Variants in CDK5RAP3 observed in about 807,000 individuals in gnomAD.
CDK5RAP3 encodes the protein CDK5 regulatory subunit associated protein 3.
CDK5RAP3 carries 58 observed loss-of-function variants against 73.3 expected under a neutral mutation model. The ratio of observed to expected loss-of-function variants is 0.79; its 90% CI spans 0.64 to 0.98. The LOEUF (loss-of-function observed/expected upper bound fraction) is 0.98. Ranked by LOEUF, CDK5RAP3 falls within the 50% of genes least tolerant of loss-of-function variation. The probability of loss-of-function intolerance (pLI) is 0.00; values close to 1 mark genes in which losing one functional copy is unlikely to be tolerated. For missense variants in CDK5RAP3, 525 were observed against 615.8 expected, an observed-to-expected ratio of 0.85 and a Z score of 1.56; for synonymous variants, 224 against 247.5, an observed-to-expected ratio of 0.91 and a Z score of 0.89.
At chr17:47,973,869 C>T (rs922153960) in intron 3 of CDK5RAP3, 62 bp from the exon 4 acceptor site, 23 of 1,342,464 alleles carry the variant, frequency 1.7e-5, no homozygotes, top group Admixed American at 5.1e-5. Context: ...CAGCCACCTG[C>T]AGTGCCCAGA....
chr17:47,975,962 G>T lies in CDK5RAP3; in HGVS notation c.747G>T (p.Val249=), dbSNP rs755014626. The change falls in exon 8 of 14, where the codon GTG becomes GTT. Residue 249 remains valine (V), a synonymous_variant. Transcript: ENST00000338399. ...YEWRTGTEPS[V]VERPHLEELP... Reference sequence around the variant, plus strand: ...GGAGGACAGGGACAGAGCCCTCTGTGGTGGAACGACCCCACCTCGAGGAGC... The same window carrying T: ...GGAGGACAGGGACAGAGCCCTCTGTTGTGGAACGACCCCACCTCGAGGAGC... The T allele has an allele frequency of 6.2e-7, 1 of 1,614,196 alleles. No individual in the cohort carries two copies. The highest frequency in any genetic ancestry group is 1.7e-5 in the Admixed American group (1 of 60,024).
chr17:47,974,616 T>A, intron 5 of CDK5RAP3, 168 bp downstream of exon 5: 1 of 1,442,066 alleles, frequency 6.9e-7, no homozygotes, highest in Non-Finnish European at 9.1e-7. Flanking sequence ...GAATTGATTT[T>A]CCCTGAGTGG....
chr17:47,970,974 G>T, upstream of CDK5RAP3: 1 of 1,462,492 alleles, frequency 6.8e-7, no homozygotes. Context: ...CCTGGGGTGG[G>T]CGGGGCTTGA....
At chr17:47,980,397 T>G (rs2144244569) in intron 11 of CDK5RAP3, 196 bp from the exon 12 acceptor site, 1 of 603,544 alleles carries the variant, frequency 1.7e-6, no homozygotes, top group South Asian at 1.8e-5. Flanking sequence ...GCCTCCTGAG[T>G]AGCTGGGACT....
At chr17:47,971,324 C>A (rs768417843) in intron 1 of CDK5RAP3, 38 bp from the exon 2 acceptor site, 1 of 1,599,510 alleles carries the variant, frequency 6.3e-7, no homozygotes, top group Non-Finnish European at 8.5e-7. Context: ...GTCCTCTCTC[C>A]GCGCTCACGC....
At position 47,971,617 on chromosome 17, in the gene CDK5RAP3, C is replaced by T. The variant is rs147769347; in HGVS notation, c.52+210C>T. On this transcript the variant is annotated intron_variant, in intron 2 of 13. Coordinates refer to ENST00000338399, the MANE Select transcript of CDK5RAP3 (RefSeq NM_176096.3). ...ACAGTCTGTTTGACCTGCGTTTTCT[C>T]CTTTAATAACATATGTTATCGTATC... 2.0e-5 allele frequency among the ~76,000 whole-genome samples: 3 copies of T among 152,312 alleles called. No individual in the cohort carries two copies. In the East Asian group the frequency reaches 5.8e-4, roughly 29 times the overall value.
At chr17:47,970,289 G>C (rs1404771917), upstream of CDK5RAP3, among the ~76,000 whole-genome samples, 1 of 152,100 alleles carries the variant, frequency 6.6e-6, no homozygotes, top group Non-Finnish European at 1.5e-5. Flanking sequence ...ACCATCTACG[G>C]TATAGAGGTT....
At chr17:47,977,978 C>A in intron 10 of CDK5RAP3, 68 bp downstream of exon 10, 1 of 1,197,928 alleles carries the variant, frequency 8.3e-7, no homozygotes, top group Non-Finnish European at 1.2e-6. Flanking sequence ...TGTCTAGAAA[C>A]AAAAAATGCA....
intron 4 of CDK5RAP3, 79 bp from the exon 5 acceptor site, chr17:47,974,321 T>A (rs557664742): frequency 8.1e-7 from 1 of 1,234,444 alleles, no homozygotes; most frequent in South Asian, 1.2e-5. Flanking sequence ...TGGGAGAACT[T>A]ACCCTGTTTA....
rs760815542 is a variant in CDK5RAP3 at position 47,981,302 on chromosome 17, C to A, written c.1423C>A (p.Leu475Ile). ...QAALEPKLDL[L>I]LEKTKELQKL... ...GGCTCTGGAGCCTAAGCTGGACCTG[C>A]TACTGGAGAAGACCAAGGAGCTGCA... Residue 475 changes from leucine (L) to isoleucine (I), a missense_variant, in exon 13 of 14, where the codon CTA becomes ATA. Transcript: ENST00000338399. 17 of 1,614,198 alleles carry A rather than the reference C, an allele frequency of 1.1e-5. No homozygotes were observed. The Admixed American group carries it at 2.8e-4, about 27-fold the overall frequency.
intron 11 of CDK5RAP3, 60 bp downstream of exon 11, chr17:47,978,977 T>C: frequency 7.7e-7 from 1 of 1,292,586 alleles, no homozygotes. Context: ...GTGGCTTCAC[T>C]CCAGATGCCT....
chr17:47,978,613 G>A, intron 10 of CDK5RAP3: 1 of 555,172 alleles, frequency 1.8e-6, no homozygotes, highest in South Asian at 2.2e-5. Flanking sequence ...TCTGAACCCA[G>A]CTCTGGTCCT....
upstream of CDK5RAP3, chr17:47,970,450 C>T (rs2144205386): frequency 5.4e-6 from 3 of 557,720 alleles, no homozygotes; most frequent in Middle Eastern, 8.9e-4. Flanking sequence ...TTTGTGGCCA[C>T]CTAAGCTTTG....
chr17:47,980,934 C>T, intron 12 of CDK5RAP3, 136 bp downstream of exon 12: 2 of 985,780 alleles, frequency 2.0e-6, no homozygotes, highest in Middle Eastern at 2.7e-4. Flanking sequence ...TAGGGGTTCT[C>T]TTTGGGACAA....
rs1241816406 is a variant in CDK5RAP3, at chr17:47,978,928, C to A, written c.1077+11C>A. The A allele has an allele frequency of 1.9e-6, 3 of 1,607,520 alleles. No individual in the cohort carries two copies. The African/African-American group carries it at 4.0e-5, about 22-fold the overall frequency. On this transcript the variant is annotated intron_variant, in intron 11 of 13. Coordinates refer to ENST00000338399, the MANE Select transcript of CDK5RAP3 (RefSeq NM_176096.3). ...GATGAGCTCATGGAGGTACTGTCAT[C>A]TCTGGAAGATGCAGGGGGGAGGCAT...
chr17:47,975,119 G>T, intron 5 of CDK5RAP3, 40 bp from the exon 6 acceptor site: 4 of 1,613,938 alleles, frequency 2.5e-6, no homozygotes, highest in East Asian at 2.2e-5. Context: ...CCTGCCTCAT[G>T]TGGGGGTGTC....
rs372223750 is a variant in CDK5RAP3, at chr17:47,977,295, C to G, written c.909+473C>G. On this transcript the variant is annotated intron_variant, in intron 9 of 13. Transcript: ENST00000338399. ...TCCTGAGTAGCTGGGACTACAGGCGCCCGCCACCACGCCCGGCTAATTGTT... is the reference window on the plus strand; with the variant it reads ...TCCTGAGTAGCTGGGACTACAGGCGGCCGCCACCACGCCCGGCTAATTGTT... 1.6e-3 allele frequency among the ~76,000 whole-genome samples: 248 copies of G among 152,124 alleles called. 2 individuals carry two copies. Among genetic ancestry groups the G allele is most frequent in the African/African-American group, 5.7e-3 (237 of 41,500 alleles).
Position 47,975,495 on chromosome 17 carries a change from C to G in CDK5RAP3, c.514-19C>G, listed in dbSNP as rs749707963. On this transcript the variant is annotated intron_variant, in intron 6 of 13. Transcript: ENST00000338399. ...GTTTTCTTCAATCTGTTGGACTCCA[C>G]CTCTTCTCCCCTCTCTAGGGCGAAA... The G allele has an allele frequency of 1.2e-6, 2 of 1,610,004 alleles. No homozygotes were observed. The highest frequency in any genetic ancestry group is 1.3e-5 in the African/African-American group (1 of 74,932).
rs1186234034 is a variant in CDK5RAP3, at chr17:47,978,672, C to T, written c.989-157C>T. 2.1e-5 allele frequency: 13 copies of T among 612,950 alleles called. No homozygotes were observed. In the Admixed American group the frequency reaches 3.5e-4, roughly 16 times the overall value. The allele number at this position is 612,950 out of a possible 1,614,324, so 38.0% of individuals were successfully genotyped here. A position where few individuals can be genotyped will look rare whatever the true frequency, so the allele number is the denominator to read the frequency against. On this transcript the variant is annotated intron_variant, in intron 10 of 13. Coordinates refer to ENST00000338399, the MANE Select transcript of CDK5RAP3 (RefSeq NM_176096.3). Reference sequence around the variant, plus strand: ...GTGGTACCTGATTAGAGCTGAGACACCTGGGACAAGGTAGCCTTCCCCCTT... The same window carrying T: ...GTGGTACCTGATTAGAGCTGAGACATCTGGGACAAGGTAGCCTTCCCCCTT...
Sources: gnomAD v4.1 joint callset for allele counts (sites outside exome capture counted in the v4.1 genomes callset) on GRCh38, gnomAD v4.1.1 for gene constraint, MANE v1.5 for transcripts, NCBI Gene and HGNC (gene_info 2026-07-23, HGNC 2026-07-21) for gene names.